The following FSTL5 variants were observed in gnomAD, a reference collection of about 807,000 sequenced individuals.
The protein encoded by FSTL5 is follistatin like 5.
Under a neutral mutation model 89.1 loss-of-function variants are expected in FSTL5, and 62 were observed. That is an observed-to-expected ratio of 0.70 (90% CI 0.57 to 0.86). The LOEUF (loss-of-function observed/expected upper bound fraction) is 0.86, where lower values mean the gene tolerates loss of function less well. FSTL5 is among the 40% of genes least tolerant of loss of function. FSTL5 has a pLI of 0.00. For missense variants in FSTL5, 1,057 were observed against 1,001.6 expected (o/e 1.06, Z -0.75); for synonymous variants, 383 against 346.2 (o/e 1.11, Z -1.18).
rs72977140 is a variant in FSTL5 at position 161,747,058 on chromosome 4, G to T, written c.727+12353C>A. On this transcript the variant is annotated intron_variant, in intron 6 of 15. Transcript: ENST00000306100. Reference sequence around the variant, plus strand: ...CCATTGCCCCTTGAGATACTATATTGTAATTGCCTTTTACTGTTTAATTTC... The same window carrying T: ...CCATTGCCCCTTGAGATACTATATTTTAATTGCCTTTTACTGTTTAATTTC... Among the ~76,000 whole-genome samples the T allele has an allele frequency of 9.8e-3, 1,498 of 152,180 alleles. 21 individuals carry two copies. Among genetic ancestry groups the T allele is most frequent in the African/African-American group, 0.032 (1,349 of 41,528 alleles).
At chr4:161,756,321 G>A (rs973121615) in intron 6 of FSTL5, among the ~76,000 whole-genome samples, 3 of 151,890 alleles carry the variant, frequency 2.0e-5, no homozygotes, top group Non-Finnish European at 2.9e-5. Context: ...GTCTCTTTAT[G>A]ACTATTAAAA....
intron 6 of FSTL5, among the ~76,000 whole-genome samples, chr4:161,726,892 C>T (rs1327113327): frequency 7.8e-6 from 1 of 128,074 alleles, no homozygotes; most frequent in Non-Finnish European, 1.7e-5. Context: ...AGCAAGATAT[C>T]CCAAAGAGCA....
chr4:161,673,054 A>G (rs1302178723), intron 6 of FSTL5, among the ~76,000 whole-genome samples: 1 of 151,726 alleles, frequency 6.6e-6, no homozygotes, highest in African/African-American at 2.4e-5. Flanking sequence ...TGGGCAATTT[A>G]TCTTTATCAT....
chr4:161,565,219 T>C (rs956055078), intron 8 of FSTL5, among the ~76,000 whole-genome samples: 3 of 107,958 alleles, frequency 2.8e-5, no homozygotes, highest in Admixed American at 1.0e-4. Context: ...TTGACATATC[T>C]TGCCTATCAT....
intron 2 of FSTL5, among the ~76,000 whole-genome samples, chr4:162,035,572 C>G (rs1251482540): frequency 6.6e-6 from 1 of 151,960 alleles, no homozygotes; most frequent in South Asian, 2.1e-4. Context: ...ACAATCTGGG[C>G]AGTAATAGGA....
At chr4:161,653,533 TA>T (rs1323206185) in intron 7 of FSTL5, among the ~76,000 whole-genome samples, 2 of 152,118 alleles carry the variant, frequency 1.3e-5, no homozygotes, top group African/African-American at 4.8e-5. Flanking sequence ...AGAATTGCCA[TA>T]ACATTGACAG....
intron 7 of FSTL5, among the ~76,000 whole-genome samples, chr4:161,644,540 A>G (rs1736079109): frequency 6.6e-6 from 1 of 151,922 alleles, no homozygotes; most frequent in Non-Finnish European, 1.5e-5. Context: ...AAAAAAAAAA[A>G]GAACAGTAGT....
At chr4:161,855,397 GAC>G (rs1731690485) in intron 4 of FSTL5, among the ~76,000 whole-genome samples, 1 of 151,982 alleles carries the variant, frequency 6.6e-6, no homozygotes, top group South Asian at 2.1e-4. Flanking sequence ...GCATAAAACA[GAC>G]ACATTTATTT....
At chr4:162,079,556 A>G (rs1730004683) in intron 2 of FSTL5, among the ~76,000 whole-genome samples, 2 of 151,774 alleles carry the variant, frequency 1.3e-5, no homozygotes, top group South Asian at 4.1e-4. Context: ...GGATTTTTAT[A>G]TACTGCCCTT....
intron 4 of FSTL5, among the ~76,000 whole-genome samples, chr4:161,800,513 G>C (rs1007523674): frequency 2.0e-5 from 3 of 151,570 alleles, no homozygotes; most frequent in African/African-American, 7.2e-5. Flanking sequence ...TCTTCCTCAA[G>C]CTGGCAGATG....
At chr4:161,884,905 T>G (rs926916386) in intron 4 of FSTL5, among the ~76,000 whole-genome samples, 2 of 152,166 alleles carry the variant, frequency 1.3e-5, no homozygotes, top group African/African-American at 2.4e-5. Context: ...CAGGAAAATT[T>G]AGATGAATTA....
At chr4:161,768,884 A>G (rs1741110371) in intron 5 of FSTL5, among the ~76,000 whole-genome samples, 1 of 151,912 alleles carries the variant, frequency 6.6e-6, no homozygotes, top group African/African-American at 2.4e-5. Flanking sequence ...AAAATGATAC[A>G]AAAGATAAGC....
At chr4:162,111,174 T>G in intron 2 of FSTL5, 97 bp downstream of exon 2, 3 of 970,890 alleles carry the variant, frequency 3.1e-6, no homozygotes, top group Non-Finnish European at 4.4e-6. Context: ...AAGCATATTC[T>G]GAAATAAGTG....
At chr4:162,130,396 C>A (rs79738712) in intron 1 of FSTL5, among the ~76,000 whole-genome samples, 1 of 152,048 alleles carries the variant, frequency 6.6e-6, no homozygotes, top group Non-Finnish European at 1.5e-5. Flanking sequence ...GTGTTTCCTA[C>A]GCAAGTGATT....
At chr4:161,616,298 T>G (rs1413255200) in intron 7 of FSTL5, among the ~76,000 whole-genome samples, 1 of 152,126 alleles carries the variant, frequency 6.6e-6, no homozygotes, top group Non-Finnish European at 1.5e-5. Context: ...TTGGCCAGGC[T>G]GGTCTCAAAC....
In FSTL5 at chr4:161,402,715, C is replaced by T. The variant is rs74989824; in HGVS notation, c.1842-16266G>A. Among the ~76,000 whole-genome samples, 1,442 of 152,222 alleles carry T rather than the reference C, an allele frequency of 9.5e-3. 26 individuals are homozygous for T. The highest frequency in any genetic ancestry group is 0.034 in the African/African-American group (1,397 of 41,540). ...GAGCTTTGAAGATGTAGATTAAAAT[C>T]CCACCTATGCCATTTACTATACAAT... On this transcript the variant is annotated intron_variant, in intron 15 of 15. Coordinates refer to ENST00000306100, the MANE Select transcript of FSTL5 (RefSeq NM_020116.5).
intron 10 of FSTL5, among the ~76,000 whole-genome samples, chr4:161,534,994 C>T (rs957006806): frequency 6.6e-6 from 1 of 151,954 alleles, no homozygotes; most frequent in African/African-American, 2.4e-5. Flanking sequence ...TTCAGTAAAT[C>T]ATCTTGCGAT....
At chr4:161,486,341 C>A (rs1028414331) in intron 12 of FSTL5, among the ~76,000 whole-genome samples, 6 of 151,904 alleles carry the variant, frequency 3.9e-5, no homozygotes, top group African/African-American at 1.5e-4. Context: ...TGGAGATTCA[C>A]CCATGTTTCT....
At chr4:161,962,665 A>G (rs888949284) in intron 3 of FSTL5, among the ~76,000 whole-genome samples, 142 of 151,784 alleles carry the variant, frequency 9.4e-4, no homozygotes, top group African/African-American at 3.1e-3. Context: ...TTTAATTTTC[A>G]TAAGTTGATG....
Sources: gnomAD v4.1 joint callset for allele counts (sites outside exome capture counted in the v4.1 genomes callset) on GRCh38, gnomAD v4.1.1 for gene constraint, MANE v1.5 for transcripts, NCBI Gene and HGNC (gene_info 2026-07-23, HGNC 2026-07-21) for gene names.